FRMD6: variants seen among roughly 807,000 people sequenced by gnomAD.
The protein encoded by FRMD6 is FERM domain containing 6, also known as FERM domain-containing protein 6.
Under a neutral mutation model 73.2 loss-of-function variants are expected in FRMD6, and 37 were observed. The observed-to-expected ratio is 0.51, with a 90% CI of 0.39 to 0.66. FRMD6 has a LOEUF of 0.66. Ranked by LOEUF, FRMD6 falls within the 30% of genes least tolerant of loss-of-function variation. The pLI, the probability that FRMD6 is intolerant of heterozygous loss-of-function variation, is 0.00. For synonymous variants in FRMD6, 273 were observed against 282.2 expected (o/e 0.97, Z 0.33); for missense variants, 714 against 780.5 (o/e 0.91, Z 1.02).
At position 51,708,072 on chromosome 14, in the gene FRMD6, C is replaced by T. The variant is rs745840563; in HGVS notation, c.559-6C>T. 6.2e-7 allele frequency: 1 copy of T among 1,612,594 alleles called. No individual in the cohort carries two copies. The highest frequency in any genetic ancestry group is 1.3e-5 in the African/African-American group (1 of 74,804). ...GTTGCATTGCACACCCCTTGTATCC[C>T]AACAGGTTGTTTCCAAGAGGGGGAA... On this transcript the variant is annotated splice_region_variant and splice_polypyrimidine_tract_variant and intron_variant, in intron 6 of 13. Coordinates refer to ENST00000344768, the MANE Select transcript of FRMD6 (RefSeq NM_001267046.2).
At chr14:51,516,103 G>A (rs1352951902) in intron 1 of FRMD6, among the ~76,000 whole-genome samples, 1 of 152,102 alleles carries the variant, frequency 6.6e-6, no homozygotes, top group Non-Finnish European at 1.5e-5. Context: ...CTTACATGGT[G>A]TATGGGGGAA....
chr14:51,507,083 G>GACACACACACACACAC (rs200052672), intron 1 of FRMD6, among the ~76,000 whole-genome samples: 5 of 139,092 alleles, frequency 3.6e-5, no homozygotes, highest in Non-Finnish European at 7.8e-5. Flanking sequence ...TGGTTGTATA[G>GACACACACACACACAC]ACACACACAC....
At chr14:51,445,924 C>T in the FRMD6 span, among the ~76,000 whole-genome samples, 2 of 152,172 alleles carry the variant, frequency 1.3e-5, no homozygotes, top group African/African-American at 2.4e-5. Context: ...AGGTATTTTG[C>T]ATGTATTGTA....
the FRMD6 span, among the ~76,000 whole-genome samples, chr14:51,407,528 T>C: frequency 1.3e-5 from 2 of 151,984 alleles, no homozygotes; most frequent in Admixed American, 1.3e-4. Context: ...ATTTAATTTT[T>C]TTCATGGGTA....
the FRMD6 span, among the ~76,000 whole-genome samples, chr14:51,399,595 T>C: frequency 6.6e-6 from 1 of 152,186 alleles, no homozygotes; most frequent in Non-Finnish European, 1.5e-5. Flanking sequence ...CTTCATTGAA[T>C]TGATGGATTT....
chr14:51,415,282 G>A, the FRMD6 span, among the ~76,000 whole-genome samples: 6 of 152,182 alleles, frequency 3.9e-5, no homozygotes, highest in African/African-American at 1.2e-4. Flanking sequence ...GTATGATATT[G>A]GCTGTGGGTT....
intron 6 of FRMD6, among the ~76,000 whole-genome samples, chr14:51,706,322 G>T (rs891739283): frequency 6.6e-6 from 1 of 152,072 alleles, no homozygotes; most frequent in African/African-American, 2.4e-5. Context: ...CAGCACTGTT[G>T]CAGAAACTTG....
At chr14:51,454,378 C>T in the FRMD6 span, 4 of 152,184 alleles carry the variant, frequency 2.6e-5, no homozygotes, top group Admixed American at 6.5e-5. Flanking sequence ...CCACAGTTAA[C>T]ATTTTGGTGC....
the FRMD6 span, among the ~76,000 whole-genome samples, chr14:51,424,314 A>G: frequency 0.075 from 11,496 of 152,290 alleles, 466 homozygotes; most frequent in South Asian, 0.1. Flanking sequence ...CCAAGTTCAC[A>G]AGTGGATACA....
At chr14:51,664,279 A>T (rs896895454) in intron 1 of FRMD6, among the ~76,000 whole-genome samples, 2 of 152,210 alleles carry the variant, frequency 1.3e-5, no homozygotes, top group Non-Finnish European at 2.9e-5. Flanking sequence ...CTTGTTGATG[A>T]CTTTCATCAT....
chr14:51,714,418 G>A (rs1318770785), intron 9 of FRMD6: 1 of 152,110 alleles, frequency 6.6e-6, no homozygotes, highest in Non-Finnish European at 1.5e-5. Flanking sequence ...CTCCGTTCTT[G>A]CTTTACCTCC....
chr14:51,698,289 T>C, intron 3 of FRMD6, 57 bp downstream of exon 3: 1 of 1,173,792 alleles, frequency 8.5e-7, no homozygotes, highest in Non-Finnish European at 1.2e-6. Context: ...GGAAATGACA[T>C]CTTATAGCTA....
rs115271430 is a variant in FRMD6, at chr14:51,535,695, C to T, written c.-209-34653C>T. Among the ~76,000 whole-genome samples the T allele has an allele frequency of 1.8e-3, 276 of 152,264 alleles. 1 individual carries two copies. The highest frequency in any genetic ancestry group is 6.4e-3 in the African/African-American group (268 of 41,560). ...TAACGTTGCTATAAACATTCATGCA[C>T]ATATCTTTGTGTGGATACATGTTTT... On this transcript the variant is annotated intron_variant, in intron 1 of 14. Transcript: ENST00000356218.
At chr14:51,440,807 T>A in the FRMD6 span, among the ~76,000 whole-genome samples, 5 of 152,244 alleles carry the variant, frequency 3.3e-5, no homozygotes, top group Non-Finnish European at 7.3e-5. Flanking sequence ...TGTGTCTGAA[T>A]TAATCAGCCT....
chr14:51,656,097 G>A (rs1723551962), intron 1 of FRMD6, among the ~76,000 whole-genome samples: 1 of 152,212 alleles, frequency 6.6e-6, no homozygotes, highest in Non-Finnish European at 1.5e-5. Flanking sequence ...GTAGAAACAA[G>A]CAATCTGTGC....
chr14:51,674,444 G>C (rs368226494), intron 1 of FRMD6, among the ~76,000 whole-genome samples: 24 of 152,194 alleles, frequency 1.6e-4, no homozygotes, highest in East Asian at 1.4e-3. Flanking sequence ...TGCCATGCCT[G>C]CTGACTTGGA....
chr14:51,463,844 G>T, the FRMD6 span, among the ~76,000 whole-genome samples: 2 of 152,178 alleles, frequency 1.3e-5, no homozygotes, highest in African/African-American at 4.8e-5. Flanking sequence ...AGGGGACAGG[G>T]TCTTACTCCA....
At chr14:51,467,391 C>A in the FRMD6 span, among the ~76,000 whole-genome samples, 628 of 152,330 alleles carry the variant, frequency 4.1e-3, no homozygotes, top group African/African-American at 0.014. Flanking sequence ...AGCAACAATC[C>A]GATCTCTCTT....
the FRMD6 span, among the ~76,000 whole-genome samples, chr14:51,469,097 C>G: frequency 6.6e-6 from 1 of 151,696 alleles, no homozygotes; most frequent in Middle Eastern, 3.4e-3. Flanking sequence ...CCTGCCACCA[C>G]GCCCGGCTAA....
Sources: gnomAD v4.1 joint callset for allele counts (sites outside exome capture counted in the v4.1 genomes callset) on GRCh38, gnomAD v4.1.1 for gene constraint, MANE v1.5 for transcripts, NCBI Gene and HGNC (gene_info 2026-07-23, HGNC 2026-07-21) for gene names.